The following CSMD1 variants were observed in gnomAD, a reference collection of about 807,000 sequenced individuals.
The protein encoded by CSMD1 is CUB and Sushi multiple domains 1.
A neutral mutation model predicts 417.5 loss-of-function variants in CSMD1; 213 were observed. The ratio of observed to expected loss-of-function variants is 0.51; its 90% CI spans 0.46 to 0.57. The LOEUF is 0.57. Among genes scored for constraint, CSMD1 ranks in the 20% least tolerant of loss-of-function variants. The pLI is 0.00. For missense variants in CSMD1, 6,923 were observed against 4,529.7 expected (o/e 1.53, Z -15.17); for synonymous variants, 2,862 against 1,736.8 (o/e 1.65, Z -16.11).
At chr8:4,181,492 G>A (rs1028917331) in intron 3 of CSMD1, among the ~76,000 whole-genome samples, 1 of 151,860 alleles carries the variant, frequency 6.6e-6, no homozygotes, top group Admixed American at 6.6e-5. Flanking sequence ...GATAACTGAT[G>A]AGCTTTAAAA....
chr8:4,556,630 A>T (rs1798100849), intron 2 of CSMD1, among the ~76,000 whole-genome samples: 1 of 152,340 alleles, frequency 6.6e-6, no homozygotes, highest in East Asian at 1.9e-4. Flanking sequence ...ATTTTTTCCC[A>T]TAAAGTGTTT....
At chr8:3,483,914 A>G (rs1817882395) in intron 11 of CSMD1, among the ~76,000 whole-genome samples, 1 of 152,236 alleles carries the variant, frequency 6.6e-6, no homozygotes, top group African/African-American at 2.4e-5. Context: ...ATGCCAAAAA[A>G]GAAACATTTG....
chr8:4,744,249 G>T (rs547640849), intron 1 of CSMD1, among the ~76,000 whole-genome samples: 63 of 152,328 alleles, frequency 4.1e-4, no homozygotes, highest in African/African-American at 1.5e-3. Context: ...CACTTGGAAA[G>T]TACAGCTCAG....
At chr8:4,088,752 C>G (rs568119472) in intron 3 of CSMD1, among the ~76,000 whole-genome samples, 3 of 152,230 alleles carry the variant, frequency 2.0e-5, no homozygotes, top group Admixed American at 2.0e-4. Flanking sequence ...GATCCCACCA[C>G]CATTTATTCC....
intron 3 of CSMD1, among the ~76,000 whole-genome samples, chr8:4,358,754 A>C (rs1254154502): frequency 6.6e-6 from 1 of 152,194 alleles, no homozygotes; most frequent in African/African-American, 2.4e-5. Flanking sequence ...ATATGATTTC[A>C]AAAAGCAATT....
intron 6 of CSMD1, among the ~76,000 whole-genome samples, chr8:3,740,489 T>A (rs1796742507): frequency 6.6e-6 from 1 of 152,126 alleles, no homozygotes; most frequent in Non-Finnish European, 1.5e-5. Flanking sequence ...CCTTCTGCGG[T>A]AAAATACTCA....
chr8:3,411,379 A>G (rs1335103449), intron 12 of CSMD1, among the ~76,000 whole-genome samples: 1 of 151,742 alleles, frequency 6.6e-6, no homozygotes, highest in Non-Finnish European at 1.5e-5. Context: ...TTATTTCCAT[A>G]GGTTTTGGGG....
intron 36 of CSMD1, among the ~76,000 whole-genome samples, chr8:3,184,033 G>C (rs148948848): frequency 6.6e-6 from 1 of 152,220 alleles, no homozygotes; most frequent in East Asian, 1.9e-4. Flanking sequence ...ATAGATTCCT[G>C]ATCATCTTAG....
chr8:4,705,512 G>A (rs533894804), intron 1 of CSMD1, among the ~76,000 whole-genome samples: 7 of 152,216 alleles, frequency 4.6e-5, no homozygotes, highest in African/African-American at 7.2e-5. Context: ...AAAAGGAAAC[G>A]CGCACAGCCT....
At chr8:4,128,378 GTACCT>G (rs1802890550) in intron 3 of CSMD1, among the ~76,000 whole-genome samples, 2 of 152,182 alleles carry the variant, frequency 1.3e-5, no homozygotes, top group Admixed American at 1.3e-4. Flanking sequence ...ATGGTAAACA[GTACCT>G]TCGATTTGGA....
At chr8:3,558,077 T>C (rs921887575) in intron 10 of CSMD1, among the ~76,000 whole-genome samples, 3 of 149,948 alleles carry the variant, frequency 2.0e-5, no homozygotes, top group Admixed American at 1.3e-4. Flanking sequence ...AGTGCCTCAA[T>C]AGTACCCCGT....
At chr8:3,891,166 CTCCCAAGA>C in intron 5 of CSMD1, among the ~76,000 whole-genome samples, 2 of 152,030 alleles carry the variant, frequency 1.3e-5, no homozygotes, top group Non-Finnish European at 1.5e-5. Flanking sequence ...CTCCCTCAGC[CTCCCAAGA>C]AGCTGGGACC....
chr8:4,463,592 G>A (rs1799973498), intron 2 of CSMD1, among the ~76,000 whole-genome samples: 1 of 152,084 alleles, frequency 6.6e-6, no homozygotes, highest in African/African-American at 2.4e-5. Context: ...GTGAACTGCC[G>A]ATTTATTCCA....
At chr8:4,125,336 G>T (rs116625438) in intron 3 of CSMD1, among the ~76,000 whole-genome samples, 1 of 152,164 alleles carries the variant, frequency 6.6e-6, no homozygotes, top group East Asian at 1.9e-4. Context: ...TCTAAAGAGC[G>T]CAACTGTTTG....
At chr8:4,268,603 A>G (rs1804371695) in intron 3 of CSMD1, among the ~76,000 whole-genome samples, 1 of 152,192 alleles carries the variant, frequency 6.6e-6, no homozygotes, top group African/African-American at 2.4e-5. Flanking sequence ...TTTTTGCAAG[A>G]GTAGCTATGG....
intron 1 of CSMD1, among the ~76,000 whole-genome samples, chr8:4,992,878 A>G (rs1376054688): frequency 2.0e-5 from 3 of 152,164 alleles, no homozygotes; most frequent in African/African-American, 4.8e-5. Flanking sequence ...GCGATCCCCG[A>G]GATCTCGGGG....
intron 10 of CSMD1, among the ~76,000 whole-genome samples, chr8:3,537,686 TG>T (rs937416657): frequency 6.6e-6 from 1 of 152,244 alleles, no homozygotes; most frequent in African/African-American, 2.4e-5. Context: ...TACAATACTT[TG>T]TATTTGCAAA....
intron 8 of CSMD1, among the ~76,000 whole-genome samples, chr8:3,593,631 A>C (rs2117038836): frequency 6.6e-6 from 1 of 152,326 alleles, no homozygotes; most frequent in South Asian, 2.1e-4. Context: ...GAACAGATAA[A>C]GTTTTCTGAC....
At chr8:3,495,952 T>G (rs1417429543) in intron 10 of CSMD1, among the ~76,000 whole-genome samples, 3 of 152,136 alleles carry the variant, frequency 2.0e-5, no homozygotes, top group African/African-American at 7.2e-5. Context: ...ATGTGCAGGT[T>G]TGGGACATAG....
Sources: allele counts gnomAD v4.1 joint callset (sites outside exome capture counted in the v4.1 genomes callset), GRCh38; gene constraint gnomAD v4.1.1; transcripts MANE v1.5; gene names NCBI Gene and HGNC (gene_info 2026-07-23, HGNC 2026-07-21).